OSBPL9: variants seen among roughly 807,000 people sequenced by gnomAD.
OSBPL9 encodes oxysterol-binding protein-related protein 9.
OSBPL9 carries 40 observed loss-of-function variants against 106.6 expected under a neutral mutation model. The ratio of observed to expected loss-of-function variants is 0.38; its 90% CI spans 0.29 to 0.49. The LOEUF is 0.49. Among genes scored for constraint, OSBPL9 ranks in the 20% least tolerant of loss-of-function variants. The probability of loss-of-function intolerance (pLI) is 0.97; values close to 1 mark genes in which losing one functional copy is unlikely to be tolerated. For synonymous variants in OSBPL9, 269 were observed against 295.4 expected, an observed-to-expected ratio of 0.91 and a Z score of 0.92; for missense variants, 609 against 887.2, an observed-to-expected ratio of 0.69 and a Z score of 3.98.
intron 11 of OSBPL9, among the ~76,000 whole-genome samples, chr1:51,763,365 AC>A (rs750246369): frequency 2.6e-5 from 4 of 152,192 alleles, no homozygotes; most frequent in Non-Finnish European, 5.9e-5. Flanking sequence ...TTACAGGGAT[AC>A]TATCAGTGTT....
At chr1:51,565,936 T>C in the OSBPL9 span, 1 of 152,230 alleles carries the variant, frequency 6.6e-6, no homozygotes, top group African/African-American at 2.4e-5. Flanking sequence ...GGTTGTTCTA[T>C]TCATAGCTAT....
chr1:51,758,424 GA>G lies in OSBPL9; in HGVS notation c.582+2081del, dbSNP rs762203289. Among the ~76,000 whole-genome samples, 784 of 124,394 alleles carry G rather than the reference GA, an allele frequency of 6.3e-3. 3 individuals are homozygous for G. The highest frequency in any genetic ancestry group is 0.014 in the African/African-American group (489 of 34,876). The allele number at this position is 124,394 out of a possible 152,430, so 81.6% of individuals were successfully genotyped here. On this transcript the variant is annotated intron_variant, in intron 9 of 23. Coordinates refer to ENST00000428468, the MANE Select transcript of OSBPL9 (RefSeq NM_024586.6). ...GGTAGACTGGAATCTCCTATTTTCA[GA>G]AAAAAAAAAAAAAACCTGGTCTATT...
At chr1:51,766,007 T>G in intron 12 of OSBPL9, 26 bp downstream of exon 12, 1 of 1,553,104 alleles carries the variant, frequency 6.4e-7, no homozygotes, top group Non-Finnish European at 8.7e-7. Context: ...GAATATGTAT[T>G]TAAATGATTC....
chr1:51,635,828 C>A (rs1645397608), intron 1 of OSBPL9, among the ~76,000 whole-genome samples: 1 of 151,974 alleles, frequency 6.6e-6, no homozygotes, highest in Admixed American at 6.6e-5. Flanking sequence ...TGTCCACAAT[C>A]CTCTGCCTGC....
At chr1:51,607,784 C>T (rs1194441525) in intron 2 of OSBPL9, among the ~76,000 whole-genome samples, 1 of 152,174 alleles carries the variant, frequency 6.6e-6, no homozygotes, top group Non-Finnish European at 1.5e-5. Flanking sequence ...GGCCAAGGGG[C>T]ATATGGCACA....
chr1:51,547,485 T>C, the OSBPL9 span, among the ~76,000 whole-genome samples: 766 of 152,002 alleles, frequency 5.0e-3, 11 homozygotes, highest in Non-Finnish European at 5.7e-3. Flanking sequence ...CAAATAAAAA[T>C]AACAGACACT....
At chr1:51,521,923 AT>A in the OSBPL9 span, among the ~76,000 whole-genome samples, 51 of 147,748 alleles carry the variant, frequency 3.5e-4, no homozygotes, top group African/African-American at 7.4e-4. Flanking sequence ...ACACCAGCTA[AT>A]TTTTTTTTTT....
intron 1 of OSBPL9, among the ~76,000 whole-genome samples, chr1:51,596,878 A>G (rs962459432): frequency 1.3e-4 from 20 of 152,200 alleles, no homozygotes; most frequent in Admixed American, 1.2e-3. Flanking sequence ...AAGACTGGCA[A>G]GTCTCCTGCT....
At chr1:51,719,275 A>G (rs892464989) in intron 4 of OSBPL9, among the ~76,000 whole-genome samples, 2 of 152,132 alleles carry the variant, frequency 1.3e-5, no homozygotes, top group Admixed American at 1.3e-4. Context: ...AATTTGTTGT[A>G]TGTCAGCTTA....
intron 4 of OSBPL9, among the ~76,000 whole-genome samples, chr1:51,735,227 A>G (rs1423030402): frequency 6.6e-6 from 1 of 152,204 alleles, no homozygotes; most frequent in African/African-American, 2.4e-5. Flanking sequence ...ACTGTTTTAC[A>G]GCCGTCCATG....
chr1:51,712,291 A>G (rs1660216917), intron 3 of OSBPL9, among the ~76,000 whole-genome samples: 2 of 152,220 alleles, frequency 1.3e-5, no homozygotes, highest in South Asian at 2.1e-4. Context: ...AATCGCAGGC[A>G]CTCGGCAGGC....
intron 1 of OSBPL9, chr1:51,594,881 T>TC (rs1363682539): frequency 6.6e-6 from 1 of 152,276 alleles, no homozygotes; most frequent in African/African-American, 2.4e-5. Context: ...GTCTTTGAAC[T>TC]CCTCGCGCAG....
chr1:51,691,318 C>G (rs567886225), intron 3 of OSBPL9, among the ~76,000 whole-genome samples: 1 of 125,556 alleles, frequency 8.0e-6, no homozygotes, highest in South Asian at 2.4e-4. Flanking sequence ...CTCACTCTGT[C>G]GCCCAGGCTG....
the OSBPL9 span, among the ~76,000 whole-genome samples, chr1:51,521,317 T>C: frequency 6.6e-6 from 1 of 152,188 alleles, no homozygotes; most frequent in Admixed American, 6.5e-5. Flanking sequence ...ATGGAGCAAA[T>C]CGCTTTGGGG....
At chr1:51,519,154 G>T in the OSBPL9 span, 8 of 1,380,442 alleles carry the variant, frequency 5.8e-6, no homozygotes, top group Non-Finnish European at 7.7e-6. Flanking sequence ...GGTGGGGGAG[G>T]GGGCACCGGC....
intron 3 of OSBPL9, among the ~76,000 whole-genome samples, chr1:51,696,961 A>T (rs1656147524): frequency 6.6e-6 from 1 of 152,020 alleles, no homozygotes; most frequent in Non-Finnish European, 1.5e-5. Flanking sequence ...AGACCAGCTG[A>T]GCAACATAGC....
intron 8 of OSBPL9, among the ~76,000 whole-genome samples, chr1:51,751,905 C>T (rs751086909): frequency 2.0e-5 from 3 of 152,140 alleles, no homozygotes; most frequent in Admixed American, 6.5e-5. Context: ...TAGGGTTCTT[C>T]GCAATGGATA....
At chr1:51,589,237 C>T (rs752339254) in intron 1 of OSBPL9, among the ~76,000 whole-genome samples, 20 of 152,148 alleles carry the variant, frequency 1.3e-4, no homozygotes, top group Non-Finnish European at 1.9e-4. Flanking sequence ...CACAGGTGCA[C>T]GCCACCATGC....
intron 3 of OSBPL9, among the ~76,000 whole-genome samples, chr1:51,712,638 A>T (rs1660300938): frequency 6.6e-6 from 1 of 152,170 alleles, no homozygotes; most frequent in African/African-American, 2.4e-5. Flanking sequence ...TCTAAGTGGA[A>T]AAAAACCCTA....
Sources: allele counts gnomAD v4.1 joint callset (sites outside exome capture counted in the v4.1 genomes callset), GRCh38; gene constraint gnomAD v4.1.1; transcripts MANE v1.5; gene names NCBI Gene and HGNC (gene_info 2026-07-23, HGNC 2026-07-21).